The following CREB5 variants were observed in gnomAD, a reference collection of about 807,000 sequenced individuals.
CREB5 encodes the protein cAMP responsive element binding protein 5, also known as cyclic AMP-responsive element-binding protein 5.
Under a neutral mutation model 57.1 loss-of-function variants are expected in CREB5, and 19 were observed. The ratio of observed to expected loss-of-function variants is 0.33; its 90% CI spans 0.23 to 0.49. The LOEUF (loss-of-function observed/expected upper bound fraction) is 0.49. Among genes scored for constraint, CREB5 ranks in the 20% least tolerant of loss-of-function variants. The pLI is 0.99. For synonymous variants in CREB5, 238 were observed against 238.3 expected (o/e 1.00, Z 0.01); for missense variants, 579 against 671.6 (o/e 0.86, Z 1.52).
intron 4 of CREB5, among the ~76,000 whole-genome samples, chr7:28,560,833 CGTGTGTGTGT>C (rs1554344280): frequency 2.4e-5 from 1 of 41,888 alleles, no homozygotes; most frequent in Non-Finnish European, 5.2e-5. Flanking sequence ...CGCGCGCGCG[CGTGTGTGTGT>C]GCGCGTGTGT....
At chr7:28,792,482 A>T (rs192988225) in intron 7 of CREB5, among the ~76,000 whole-genome samples, 192 of 152,342 alleles carry the variant, frequency 1.3e-3, no homozygotes, top group Admixed American at 2.9e-3. Flanking sequence ...GTATCAGCTC[A>T]GAAGAAAGTT....
chr7:28,511,906 G>A (rs73077771), intron 4 of CREB5, among the ~76,000 whole-genome samples: 7 of 152,302 alleles, frequency 4.6e-5, no homozygotes, highest in African/African-American at 9.6e-5. Flanking sequence ...CAGTTGAGAC[G>A]GTATTGAAAG....
intron 5 of CREB5, among the ~76,000 whole-genome samples, chr7:28,633,043 G>T (rs770635089): frequency 3.3e-5 from 5 of 152,100 alleles, no homozygotes; most frequent in African/African-American, 7.2e-5. Flanking sequence ...CCTGTTCCAG[G>T]TACTTCTTCA....
chr7:28,645,526 T>C (rs1477047751), intron 5 of CREB5, among the ~76,000 whole-genome samples: 8 of 152,214 alleles, frequency 5.3e-5, no homozygotes, highest in Non-Finnish European at 2.9e-5. Flanking sequence ...TGAGCTGATG[T>C]TAATTATAAA....
chr7:28,718,362 G>A (rs1205224735), intron 5 of CREB5, among the ~76,000 whole-genome samples: 1 of 152,238 alleles, frequency 6.6e-6, no homozygotes, highest in Admixed American at 6.5e-5. Context: ...GTGTGGGAGA[G>A]CGTGGCTAAA....
chr7:28,303,968 A>G (rs370126724), intron 1 of CREB5, among the ~76,000 whole-genome samples: 1 of 152,344 alleles, frequency 6.6e-6, no homozygotes, highest in East Asian at 1.9e-4. Flanking sequence ...CTAATAAGAG[A>G]ATAATAAATA....
At chr7:28,651,407 T>A (rs2128706791) in intron 5 of CREB5, among the ~76,000 whole-genome samples, 1 of 152,030 alleles carries the variant, frequency 6.6e-6, no homozygotes, top group East Asian at 1.9e-4. Context: ...CATAGCAGCA[T>A]ATAGAATAAG....
At chr7:28,414,300 A>G (rs1241135626) in intron 1 of CREB5, among the ~76,000 whole-genome samples, 4 of 119,904 alleles carry the variant, frequency 3.3e-5, no homozygotes, top group African/African-American at 5.7e-5. Context: ...TTTTTTTTTT[A>G]GAGGCAGCTT....
At chr7:28,441,469 G>A (rs911721081) in intron 1 of CREB5, among the ~76,000 whole-genome samples, 2 of 152,178 alleles carry the variant, frequency 1.3e-5, no homozygotes, top group African/African-American at 4.8e-5. Context: ...CATCAGTAAA[G>A]TCGGGCTAAT....
chr7:28,316,007 C>T (rs781438079), intron 1 of CREB5, among the ~76,000 whole-genome samples: 7 of 152,186 alleles, frequency 4.6e-5, no homozygotes, highest in Non-Finnish European at 1.0e-4. Context: ...TCGGCAAGTG[C>T]TGTAAAAGAG....
At chr7:28,745,725 T>C (rs1804652454) in intron 7 of CREB5, among the ~76,000 whole-genome samples, 1 of 152,196 alleles carries the variant, frequency 6.6e-6, no homozygotes, top group South Asian at 2.1e-4. Context: ...GCCGGAGCTG[T>C]CTAGACAGGA....
At chr7:28,782,799 G>A (rs1583732559) in intron 7 of CREB5, among the ~76,000 whole-genome samples, 1 of 152,192 alleles carries the variant, frequency 6.6e-6, no homozygotes, top group South Asian at 2.1e-4. Flanking sequence ...AACTGAACTG[G>A]CCAATGGTGA....
At chr7:28,308,103 C>T (rs965253896) in intron 1 of CREB5, among the ~76,000 whole-genome samples, 2 of 152,166 alleles carry the variant, frequency 1.3e-5, no homozygotes, top group East Asian at 3.9e-4. Flanking sequence ...TGCAGAGACA[C>T]ATCCAGAGCA....
chr7:28,669,246 C>T (rs1198007341), intron 5 of CREB5, among the ~76,000 whole-genome samples: 1 of 152,134 alleles, frequency 6.6e-6, no homozygotes, highest in Admixed American at 6.5e-5. Flanking sequence ...TTACAGGGTA[C>T]GTGTTGGTAA....
At chr7:28,314,166 T>C (rs1193460157) in intron 1 of CREB5, among the ~76,000 whole-genome samples, 2 of 152,228 alleles carry the variant, frequency 1.3e-5, no homozygotes, top group African/African-American at 4.8e-5. Context: ...TGATGTTTCT[T>C]GTAGCTATGT....
chr7:28,517,766 T>G (rs1793036866), intron 4 of CREB5, among the ~76,000 whole-genome samples: 1 of 152,098 alleles, frequency 6.6e-6, no homozygotes, highest in Non-Finnish European at 1.5e-5. Flanking sequence ...TGTGCTTTGC[T>G]TTCTGGGATA....
At chr7:28,392,959 T>G (rs949475115) in intron 1 of CREB5, among the ~76,000 whole-genome samples, 2 of 151,980 alleles carry the variant, frequency 1.3e-5, no homozygotes, top group Admixed American at 6.6e-5. Context: ...AGTTTCGCTC[T>G]TGTTGCCTAC....
intron 1 of CREB5, among the ~76,000 whole-genome samples, chr7:28,460,878 T>C (rs549251387): frequency 1.3e-5 from 2 of 152,038 alleles, no homozygotes; most frequent in African/African-American, 4.8e-5. Context: ...CTGGAAGGGC[T>C]GGAAGAAAGT....
chr7:28,321,384 T>C (rs1785492983), intron 1 of CREB5, among the ~76,000 whole-genome samples: 1 of 152,156 alleles, frequency 6.6e-6, no homozygotes, highest in Admixed American at 6.5e-5. Flanking sequence ...CTTCAGGGCC[T>C]CTTGTCCAAA....
Sources: gnomAD v4.1 joint callset for allele counts (sites outside exome capture counted in the v4.1 genomes callset) on GRCh38, gnomAD v4.1.1 for gene constraint, MANE v1.5 for transcripts, NCBI Gene and HGNC (gene_info 2026-07-23, HGNC 2026-07-21) for gene names.